USPL1: variants seen among roughly 807,000 people sequenced by gnomAD.
USPL1 encodes ubiquitin specific peptidase like 1.
In USPL1, 27 loss-of-function variants were observed where a neutral mutation model predicts 51.5. That is an observed-to-expected ratio of 0.52 (90% CI 0.39 to 0.72). The LOEUF (loss-of-function observed/expected upper bound fraction) is 0.72. Ranked by LOEUF, USPL1 falls within the 30% of genes least tolerant of loss-of-function variation. The probability of loss-of-function intolerance (pLI) is 0.00; values close to 1 mark genes in which losing one functional copy is unlikely to be tolerated. For missense variants in USPL1, 1,226 were observed against 1,268.0 expected (o/e 0.97, Z 0.50); for synonymous variants, 451 against 459.6 (o/e 0.98, Z 0.24).
At chr13:30,634,466 T>C (rs1950848586) in intron 4 of USPL1, among the ~76,000 whole-genome samples, 1 of 152,226 alleles carries the variant, frequency 6.6e-6, no homozygotes, top group African/African-American at 2.4e-5. Flanking sequence ...CCACTTCGTA[T>C]TGCCTAATTT....
intron 5 of USPL1, among the ~76,000 whole-genome samples, chr13:30,640,500 G>A (rs1593378026): frequency 6.6e-6 from 1 of 152,080 alleles, no homozygotes; most frequent in Non-Finnish European, 1.5e-5. Flanking sequence ...GATCAGCCTG[G>A]CCAACATGGT....
rs777659274 is a variant in USPL1 at position 30,659,115 on chromosome 13, A to G, written c.3038A>G (p.Asp1013Gly). 4.3e-6 allele frequency: 7 copies of G among 1,614,220 alleles called. No individual in the cohort carries two copies. Among genetic ancestry groups the G allele is most frequent in the Non-Finnish European group, 5.9e-6 (7 of 1,180,034 alleles). ...CCACCAGTACCAAGTGAATTCAATG[A>G]TGTTTCCCAGAACACACATCTGAGA... ...IPPPVPSEFN[D>G]VSQNTHLRQD... is the part of the protein sequence containing the mutation. Residue 1013 changes from aspartate to glycine, a missense_variant, in exon 9 of 9, where the codon GAT (aspartate) becomes GGT (glycine). Physicochemically the swap from Asp to Gly is moderately conservative, Grantham distance 94 (BLOSUM62 -1). Coordinates refer to ENST00000255304, the MANE Select transcript of USPL1 (RefSeq NM_005800.5).
chr13:30,646,884 T>C, intron 6 of USPL1, 48 bp from the exon 7 acceptor site: 1 of 1,572,070 alleles, frequency 6.4e-7, no homozygotes, highest in Non-Finnish European at 8.7e-7. Flanking sequence ...TTTAAATTAA[T>C]GTAAATGCAT....
rs1343612059 is a variant in USPL1 at position 30,660,675 on chromosome 13, C to T, written c.*1319C>T. The stretch of plus-strand genomic sequence containing the variant: ...CCTATGTCACTTATCTCCTTTATCT[C>T]TCCATACAGAGGAGGGCAAGAAACC... On this transcript the variant is annotated 3_prime_UTR_variant, in exon 9 of 9. Transcript: ENST00000255304. 6.6e-6 allele frequency: 1 copy of T among 152,196 alleles called. No individual in the cohort carries two copies. Among genetic ancestry groups the T allele is most frequent in the East Asian group, 1.9e-4 (1 of 5,202 alleles). The allele number at this position is 152,196 out of a possible 1,614,324, so 9.4% of individuals were successfully genotyped here.
rs1950795993 is a variant in USPL1, at chr13:30,630,980, C to T, written c.374C>T (p.Thr125Ile). 1.2e-6 allele frequency: 2 copies of T among 1,613,978 alleles called. No individual in the cohort carries two copies. Among genetic ancestry groups the T allele is most frequent in the Non-Finnish European group, 1.7e-6 (2 of 1,180,006 alleles). Residue 125 changes from threonine (T) to isoleucine (I), a missense_variant, in exon 4 of 9, where the codon ACT becomes ATT. Physicochemically the swap from Thr to Ile is moderately conservative, Grantham distance 89. Transcript: ENST00000255304. ...CTTCTTTTAGCAAATTCCAAAAAGA[C>T]TAGAAATTATATTGCTATTGACGGT... ...DSLLLANSKK[T>I]RNYIAIDGGK...
At chr13:30,631,672 G>A (rs1950808063) in intron 4 of USPL1, among the ~76,000 whole-genome samples, 198 bp downstream of exon 4, 1 of 152,112 alleles carries the variant, frequency 6.6e-6, no homozygotes. Flanking sequence ...AGCTAAGATA[G>A]TGAGATGGTG....
In USPL1 at chr13:30,621,099, A is replaced by G; in HGVS notation, c.-42A>G. 5 of 1,523,018 alleles carry G rather than the reference A, an allele frequency of 3.3e-6. No homozygotes were observed. Among genetic ancestry groups the G allele is most frequent in the Non-Finnish European group, 4.5e-6 (5 of 1,114,402 alleles). 94.3% of individuals were successfully genotyped at this position (1,523,018 alleles called of 1,614,324 possible). A position where few individuals can be genotyped will look rare whatever the true frequency, so the allele number is the denominator to read the frequency against. Reference sequence around the variant, plus strand: ...GTTCATTGAAAAAATCCTTAGTGATATTGACATGTCTCAAGTGACATAAAT... The same window carrying G: ...GTTCATTGAAAAAATCCTTAGTGATGTTGACATGTCTCAAGTGACATAAAT... On this transcript the variant is annotated 5_prime_UTR_variant, in exon 2 of 9. The change creates a new upstream start codon in the 5' untranslated region. Coordinates refer to ENST00000255304, the MANE Select transcript of USPL1 (RefSeq NM_005800.5).
At chr13:30,618,329 T>C (rs1381473837) in intron 1 of USPL1, among the ~76,000 whole-genome samples, 1 of 152,120 alleles carries the variant, frequency 6.6e-6, no homozygotes, top group South Asian at 2.1e-4. Flanking sequence ...CTCCTTCGGC[T>C]TCTTAGTTTG....
chr13:30,652,168 A>AG (rs1951100352), intron 7 of USPL1, among the ~76,000 whole-genome samples: 1 of 152,220 alleles, frequency 6.6e-6, no homozygotes, highest in Non-Finnish European at 1.5e-5. Context: ...GTGAAATCTT[A>AG]GATTTGATGA....
rs1280801281 is a variant in USPL1, at chr13:30,658,516, G to C, written c.2439G>C (p.Lys813Asn). The C allele has an allele frequency of 3.1e-6, 5 of 1,613,906 alleles. No individual in the cohort carries two copies. In the African/African-American group the frequency reaches 5.3e-5, roughly 17 times the overall value. ...ACCAGAAGGCCAGCCACGTATCCAA[G>C]AAAGCTCGTAAGAGTGCAAGTAAGC... ...GINQKASHVS[K>N]KARKSASKPP... The change falls in exon 9 of 9, where the codon AAG (lysine) becomes AAC (asparagine). Residue 813 changes from lysine (K) to asparagine (N), a missense_variant. By Grantham distance (94) the Lys-to-Asn change is moderately conservative (BLOSUM62 0). Coordinates refer to ENST00000255304, the MANE Select transcript of USPL1 (RefSeq NM_005800.5).
chr13:30,659,372 C>G lies in USPL1; in HGVS notation c.*16C>G, dbSNP rs755812675. On this transcript the variant is annotated 3_prime_UTR_variant, in exon 9 of 9. Transcript: ENST00000255304. Reference sequence around the variant, plus strand: ...GAATTATTGAATTAATGCTTGTTAACTTTTTTCATATAATATTTATTATTA... The same window carrying G: ...GAATTATTGAATTAATGCTTGTTAAGTTTTTTCATATAATATTTATTATTA... 18 of 1,535,544 alleles carry G rather than the reference C, an allele frequency of 1.2e-5. No homozygotes were observed. The South Asian group carries it at 1.8e-4, about 15-fold the overall frequency.
chr13:30,621,975 A>AT, intron 3 of USPL1, 83 bp downstream of exon 3: 1 of 1,092,874 alleles, frequency 9.2e-7, no homozygotes, highest in Non-Finnish European at 1.2e-6. Context: ...AAGTTTACTC[A>AT]TTTTTTGTTT....
At chr13:30,626,193 A>G (rs189598500) in intron 3 of USPL1, among the ~76,000 whole-genome samples, 33 of 152,276 alleles carry the variant, frequency 2.2e-4, no homozygotes, top group Non-Finnish European at 3.7e-4. Flanking sequence ...ATATGCCTGT[A>G]ATCCCAGCTA....
rs150549725 is a variant in USPL1, at chr13:30,658,051, T to A, written c.1974T>A (p.Val658=). The A allele has an allele frequency of 6.0e-5, 97 of 1,613,146 alleles. No individual in the cohort carries two copies. The African/African-American group carries it at 1.2e-3, about 20-fold the overall frequency. The part of the protein sequence containing the change: ...QFVDISFPSQ[V]VNTNMQSVQL... ...TGGACATAAGTTTTCCATCCCAAGT[T>A]GTAAATACAAACATGCAGTCAGTAC... The change falls in exon 9 of 9, where the codon GTT becomes GTA. Residue 658 remains valine, a synonymous_variant. Coordinates refer to ENST00000255304, the MANE Select transcript of USPL1 (RefSeq NM_005800.5).
chr13:30,621,889 G>A lies in USPL1; in HGVS notation c.225G>A (p.Leu75=). 6.5e-7 allele frequency: 1 copy of A among 1,542,632 alleles called. No individual in the cohort carries two copies. The highest frequency in any genetic ancestry group is 8.7e-7 in the Non-Finnish European group (1 of 1,148,772). The stretch of plus-strand genomic sequence containing the variant: ...AATCTATCTTTTTGTGTGAGGATCT[G>A]CAGGTAAAGTATTAATCTTATATAG... ...FQESIFLCED[L]QCIYPLGSKS... Residue 75 remains leucine (L), a synonymous_variant, in exon 3 of 9, where the codon CTG becomes CTA. Transcript: ENST00000255304.
chr13:30,629,951 G>A (rs1267762412), intron 3 of USPL1, among the ~76,000 whole-genome samples: 1 of 151,778 alleles, frequency 6.6e-6, no homozygotes, highest in Non-Finnish European at 1.5e-5. Flanking sequence ...TGTAAAAGAA[G>A]GCATTAATTA....
At position 30,658,618 on chromosome 13, in the gene USPL1, T is replaced by C; in HGVS notation, c.2541T>C (p.Ala847=). The C allele has an allele frequency of 6.2e-7, 1 of 1,614,206 alleles. No homozygotes were observed. The highest frequency in any genetic ancestry group is 8.5e-7 in the Non-Finnish European group (1 of 1,180,044). Residue 847 remains alanine, a synonymous_variant, in exon 9 of 9, where the codon GCT becomes GCC. Transcript: ENST00000255304. ...CTGCCCACCCACATGCTCATGCTGC[T>C]TCAGAAGTTTTGGAAAAGTCTGGAA... ...GTAAHPHAHA[A]SEVLEKSGST... is the part of the protein sequence containing the mutation.
In USPL1 at chr13:30,653,176, G is replaced by A. The variant is rs1161523232; in HGVS notation, c.1267G>A (p.Val423Ile). The change falls in exon 8 of 9, where the codon GTA becomes ATA. Residue 423 changes from valine to isoleucine, a missense_variant. Physicochemically the swap from Val to Ile is conservative, Grantham distance 29. Transcript: ENST00000255304. ...KVSPIFMLHF[V>I]EGLPQNDLQH... The stretch of plus-strand genomic sequence containing the variant: ...ATCTCCCATATTCATGTTGCACTTT[G>A]TAGAAGGCTTACCACAGAATGACTT... 6.2e-7 allele frequency: 1 copy of A among 1,608,660 alleles called. No individual in the cohort carries two copies. The highest frequency in any genetic ancestry group is 1.1e-5 in the South Asian group (1 of 90,210).
At chr13:30,624,729 T>G (rs932094549) in intron 3 of USPL1, among the ~76,000 whole-genome samples, 2 of 152,190 alleles carry the variant, frequency 1.3e-5, no homozygotes, top group African/African-American at 4.8e-5. Context: ...AACCACACCC[T>G]TGCACAAAGG....
Sources: allele counts gnomAD v4.1 joint callset (sites outside exome capture counted in the v4.1 genomes callset), GRCh38; gene constraint gnomAD v4.1.1; transcripts MANE v1.5; gene names NCBI Gene and HGNC (gene_info 2026-07-23, HGNC 2026-07-21).